CSMD1: variants seen among roughly 807,000 people sequenced by gnomAD.
CSMD1 encodes the protein CUB and Sushi multiple domains 1.
Under a neutral mutation model 417.5 loss-of-function variants are expected in CSMD1, and 213 were observed. That is an observed-to-expected ratio of 0.51 (90% CI 0.46 to 0.57). The LOEUF is 0.57. Ranked by LOEUF, CSMD1 falls within the 20% of genes least tolerant of loss-of-function variation. The pLI, the probability that CSMD1 is intolerant of heterozygous loss-of-function variation, is 0.00. For synonymous variants in CSMD1, 2,862 were observed against 1,736.8 expected (o/e 1.65, Z -16.11); for missense variants, 6,923 against 4,529.7 (o/e 1.53, Z -15.17).
At chr8:4,163,252 G>C (rs750620724) in intron 3 of CSMD1, among the ~76,000 whole-genome samples, 1 of 152,114 alleles carries the variant, frequency 6.6e-6, no homozygotes, top group Non-Finnish European at 1.5e-5. Flanking sequence ...AAATAACAAG[G>C]AGTGTGCTTC....
chr8:3,951,037 G>A (rs1369107364), intron 5 of CSMD1, among the ~76,000 whole-genome samples: 9 of 152,210 alleles, frequency 5.9e-5, no homozygotes, highest in Non-Finnish European at 5.9e-5. Flanking sequence ...TCACTTTAGT[G>A]AGATTTTTAA....
chr8:4,765,392 C>T (rs972611963), intron 1 of CSMD1, among the ~76,000 whole-genome samples: 3 of 152,170 alleles, frequency 2.0e-5, no homozygotes, highest in Non-Finnish European at 4.4e-5. Context: ...TCAGATAATA[C>T]ATTGAGGATT....
chr8:4,460,627 A>C (rs1799755322), intron 2 of CSMD1, among the ~76,000 whole-genome samples: 1 of 152,174 alleles, frequency 6.6e-6, no homozygotes, highest in African/African-American at 2.4e-5. Flanking sequence ...AAGGTAGAGA[A>C]TATTACTATG....
chr8:3,870,570 C>G (rs753848250), intron 5 of CSMD1, among the ~76,000 whole-genome samples: 1 of 152,140 alleles, frequency 6.6e-6, no homozygotes, highest in East Asian at 1.9e-4. Flanking sequence ...TTCTCTCCAA[C>G]TATTTGTAAC....
At chr8:4,009,766 A>C (rs942149553) in intron 4 of CSMD1, among the ~76,000 whole-genome samples, 3 of 152,020 alleles carry the variant, frequency 2.0e-5, no homozygotes, top group Non-Finnish European at 4.4e-5. Context: ...AGCCAGAATG[A>C]AAGGAACCCA....
At chr8:4,601,186 C>A (rs1243892461) in intron 2 of CSMD1, among the ~76,000 whole-genome samples, 1 of 152,126 alleles carries the variant, frequency 6.6e-6, no homozygotes, top group Non-Finnish European at 1.5e-5. Context: ...AACTCCTAAC[C>A]TCAGATGATC....
chr8:3,166,141 T>A (rs1381671265), intron 37 of CSMD1, among the ~76,000 whole-genome samples: 1 of 152,166 alleles, frequency 6.6e-6, no homozygotes, highest in Non-Finnish European at 1.5e-5. Flanking sequence ...AGTCTATACA[T>A]GTATACATAA....
intron 5 of CSMD1, among the ~76,000 whole-genome samples, chr8:3,876,934 A>C (rs34728934): frequency 0.2 from 29,817 of 152,104 alleles, 3,203 homozygotes; most frequent in African/African-American, 0.29. Context: ...TTGGCTTTTT[A>C]TCATGATTTA....
intron 5 of CSMD1, among the ~76,000 whole-genome samples, chr8:3,925,680 T>G (rs1264926425): frequency 6.6e-6 from 1 of 152,008 alleles, no homozygotes; most frequent in African/African-American, 2.4e-5. Context: ...CTCCTCATTT[T>G]TCTCTTGCCA....
intron 11 of CSMD1, among the ~76,000 whole-genome samples, chr8:3,484,743 A>G (rs973901959): frequency 1.3e-5 from 2 of 152,256 alleles, no homozygotes; most frequent in Non-Finnish European, 2.9e-5. Context: ...ACTTAGTAAG[A>G]AACATCCGCT....
At position 4,861,369 on chromosome 8, in the gene CSMD1, C is replaced by T. The variant is rs114373686; in HGVS notation, c.85+132963G>A. On this transcript the variant is annotated intron_variant, in intron 1 of 69. Transcript: ENST00000635120. ...TCAGGCTTTATGGGTTCAATAGTTCCTTCTGAAGGCAGCTTGACTCTATTA... is the reference window on the plus strand; with the variant it reads ...TCAGGCTTTATGGGTTCAATAGTTCTTTCTGAAGGCAGCTTGACTCTATTA... Among the ~76,000 whole-genome samples the T allele has an allele frequency of 3.4e-3, 522 of 152,150 alleles. 8 individuals are homozygous for T. The highest frequency in any genetic ancestry group is 0.014 in the Middle Eastern group (4 of 294).
intron 12 of CSMD1, among the ~76,000 whole-genome samples, chr8:3,417,845 T>A (rs186398173): frequency 6.6e-6 from 1 of 152,312 alleles, no homozygotes; most frequent in African/African-American, 2.4e-5. Context: ...TTGGAGACAG[T>A]GTGAGAACAT....
intron 33 of CSMD1, among the ~76,000 whole-genome samples, chr8:3,196,517 T>C (rs9785182): frequency 0.68 from 102,592 of 151,980 alleles, 35,564 homozygotes; most frequent in Non-Finnish European, 0.76. Flanking sequence ...CACCCCTTTC[T>C]GGTAACAAAA....
At chr8:3,842,951 A>G (rs1012844118) in intron 5 of CSMD1, among the ~76,000 whole-genome samples, 1 of 152,184 alleles carries the variant, frequency 6.6e-6, no homozygotes, top group African/African-American at 2.4e-5. Flanking sequence ...GAAACTACAA[A>G]AAGTCAACAT....
chr8:4,769,931 A>C (rs1422791073), intron 1 of CSMD1, among the ~76,000 whole-genome samples: 2 of 152,216 alleles, frequency 1.3e-5, no homozygotes, highest in Non-Finnish European at 2.9e-5. Context: ...TGGGATTAAA[A>C]ATAAGAACAA....
At chr8:4,965,373 G>GT (rs1423135297) in intron 1 of CSMD1, among the ~76,000 whole-genome samples, 1 of 152,130 alleles carries the variant, frequency 6.6e-6, no homozygotes, top group East Asian at 1.9e-4. Context: ...TGTACACAAG[G>GT]TCCCCCTATC....
At chr8:4,765,305 T>C (rs1305811217) in intron 1 of CSMD1, among the ~76,000 whole-genome samples, 2 of 152,162 alleles carry the variant, frequency 1.3e-5, no homozygotes, top group African/African-American at 2.4e-5. Flanking sequence ...AACTCAGGGG[T>C]AGCAATCCCT....
intron 28 of CSMD1, among the ~76,000 whole-genome samples, chr8:3,219,951 G>C (rs1040359371): frequency 6.6e-6 from 1 of 151,936 alleles, no homozygotes; most frequent in African/African-American, 2.4e-5. Flanking sequence ...AGTTCTCCCA[G>C]CCTAGGTAAC....
chr8:4,840,480 T>A (rs1484886848), intron 1 of CSMD1, among the ~76,000 whole-genome samples: 1 of 152,242 alleles, frequency 6.6e-6, no homozygotes, highest in Non-Finnish European at 1.5e-5. Context: ...TTAGGTCTTT[T>A]GTTTTATTCG....
Sources: allele counts gnomAD v4.1 joint callset (sites outside exome capture counted in the v4.1 genomes callset), GRCh38; gene constraint gnomAD v4.1.1; transcripts MANE v1.5; gene names NCBI Gene and HGNC (gene_info 2026-07-23, HGNC 2026-07-21).